The following TTC13 variants were observed in gnomAD, a reference collection of about 807,000 sequenced individuals.
TTC13 encodes tetratricopeptide repeat protein 13.
In TTC13, 62 loss-of-function variants were observed where a neutral mutation model predicts 120.0. The observed-to-expected ratio is 0.52, with a 90% CI of 0.42 to 0.64. TTC13 has a LOEUF of 0.64. Ranked by LOEUF, TTC13 falls within the 30% of genes least tolerant of loss-of-function variation. TTC13 has a pLI of 0.00. For synonymous variants in TTC13, 384 were observed against 393.5 expected, an observed-to-expected ratio of 0.98 and a Z score of 0.28; for missense variants, 824 against 1,050.2, an observed-to-expected ratio of 0.78 and a Z score of 2.98.
chr1:230,911,646 G>T, intron 19 of TTC13, 97 bp from the exon 20 acceptor site: 1 of 681,766 alleles, frequency 1.5e-6, no homozygotes, highest in Non-Finnish European at 2.3e-6. Flanking sequence ...ACATCAAGAA[G>T]AGGATTGTTT....
intron 1 of TTC13, among the ~76,000 whole-genome samples, chr1:230,973,426 T>C (rs1346831752): frequency 6.6e-6 from 1 of 152,228 alleles, no homozygotes. Context: ...AATTCTCAAA[T>C]TGGACAAACA....
At chr1:230,924,080 G>A in intron 14 of TTC13, 147 bp from the exon 15 acceptor site, 1 of 578,852 alleles carries the variant, frequency 1.7e-6, no homozygotes, top group Non-Finnish European at 3.0e-6. Flanking sequence ...ATTCCAAACA[G>A]ATGTTCCAGC....
At chr1:230,931,973 G>C in intron 9 of TTC13, 96 bp from the exon 10 acceptor site, 1 of 1,201,474 alleles carries the variant, frequency 8.3e-7, no homozygotes, top group Non-Finnish European at 1.2e-6. Flanking sequence ...ATGTAAACAA[G>C]ATACCTTGAT....
chr1:230,918,372 T>C (rs1265651530), intron 17 of TTC13, among the ~76,000 whole-genome samples: 1 of 152,174 alleles, frequency 6.6e-6, no homozygotes, highest in African/African-American at 2.4e-5. Context: ...TTCACCATGA[T>C]TTTACATGCA....
At chr1:230,957,412 G>A (rs1164428195) in intron 3 of TTC13, among the ~76,000 whole-genome samples, 1 of 152,186 alleles carries the variant, frequency 6.6e-6, no homozygotes, top group Non-Finnish European at 1.5e-5. Context: ...ACTCCAGCCT[G>A]GGCCACAGAG....
At chr1:230,912,229 C>G (rs561855765) in intron 19 of TTC13, among the ~76,000 whole-genome samples, 1 of 152,180 alleles carries the variant, frequency 6.6e-6, no homozygotes, top group South Asian at 2.1e-4. Flanking sequence ...ACTTTCCTTG[C>G]CATTAACTCA....
intron 12 of TTC13, among the ~76,000 whole-genome samples, chr1:230,927,504 T>C (rs1673147018): frequency 6.6e-6 from 1 of 152,238 alleles, no homozygotes; most frequent in Non-Finnish European, 1.5e-5. Context: ...TTCCCTGTGG[T>C]AAAATTACTT....
At position 230,923,829 on chromosome 1, in the gene TTC13, A is replaced by G. The variant is rs746993584; in HGVS notation, c.1814+12T>C. On this transcript the variant is annotated intron_variant, in intron 15 of 22. Transcript: ENST00000366661. The stretch of plus-strand genomic sequence containing the variant: ...CCTAGGAAAAGAAGAAAGATGCACA[A>G]AAGGTTCGTACCTGATTAAATTAAT... The G allele has an allele frequency of 2.5e-6, 4 of 1,607,374 alleles. No homozygotes were observed. In the South Asian group the frequency reaches 4.4e-5, roughly 18 times the overall value.
rs1297540687 is a variant in TTC13, at chr1:230,929,065, A to C, written c.1329T>G (p.Leu443=). The change falls in exon 12 of 23, where the codon CTT becomes CTG. Residue 443 remains leucine, a synonymous_variant. Coordinates refer to ENST00000366661, the MANE Select transcript of TTC13 (RefSeq NM_024525.5). The part of the protein sequence containing the change: ...REYSRYLHAH[L]DTPLTEYNID... ...TGTTATATTCCGTAAGGGGGGTATC[A>C]AGGTGTGCATGAAGATATCGAGAAT... 1.2e-6 allele frequency: 2 copies of C among 1,614,052 alleles called. No homozygotes were observed. The highest frequency in any genetic ancestry group is 1.7e-6 in the Non-Finnish European group (2 of 1,180,022).
At position 230,920,582 on chromosome 1, in the gene TTC13, A is replaced by C. The variant is rs1485291862; in HGVS notation, c.1911T>G (p.Pro637=). ...CTTCCCGAACTTCCAGCAATCCTTT[A>C]GGATTATTAGCTCTTAAAGAGAGAC... is the stretch of plus-strand genomic sequence containing the variant. ...RILVYHGANN[P]KGLLEVREAL... The change falls in exon 17 of 23, where the codon CCT becomes CCG. Residue 637 remains proline, a synonymous_variant. Transcript: ENST00000366661. 2 of 1,584,906 alleles carry C rather than the reference A, an allele frequency of 1.3e-6. No individual in the cohort carries two copies. The highest frequency in any genetic ancestry group is 8.6e-7 in the Non-Finnish European group (1 of 1,168,712).
At chr1:230,914,732 A>T (rs1671853193) in intron 18 of TTC13, among the ~76,000 whole-genome samples, 2 of 152,132 alleles carry the variant, frequency 1.3e-5, no homozygotes, top group East Asian at 3.8e-4. Context: ...AGCCTACTTT[A>T]CTGTAAGAAT....
rs370012147 is a variant in TTC13, at chr1:230,925,657, A to T, written c.1458-10T>A. The stretch of plus-strand genomic sequence containing the variant: ...CTGATGTAACACATCTCTGGAAGAA[A>T]CATCATGTACATGATAAGGACTTTT... On this transcript the variant is annotated splice_polypyrimidine_tract_variant and intron_variant, in intron 12 of 22. Transcript: ENST00000366661. The T allele has an allele frequency of 3.9e-5, 63 of 1,613,590 alleles. No individual in the cohort carries two copies. The African/African-American group carries it at 6.7e-4, about 17-fold the overall frequency.
intron 8 of TTC13, among the ~76,000 whole-genome samples, chr1:230,935,951 A>T (rs896346791): frequency 6.6e-6 from 1 of 152,138 alleles, no homozygotes; most frequent in Non-Finnish European, 1.5e-5. Context: ...GAGATGAGGG[A>T]GAAGAAAGGG....
intron 1 of TTC13, among the ~76,000 whole-genome samples, chr1:230,973,098 G>A (rs1430003645): frequency 2.0e-5 from 3 of 152,218 alleles, no homozygotes; most frequent in African/African-American, 7.2e-5. Flanking sequence ...AGGGCCAGGA[G>A]ATGAAAGGAT....
intron 13 of TTC13, 69 bp from the exon 14 acceptor site, chr1:230,925,042 G>C: frequency 6.3e-7 from 1 of 1,581,850 alleles, no homozygotes; most frequent in African/African-American, 1.3e-5. Context: ...ACTTTACAGA[G>C]TCTCAGTGAT....
chr1:230,909,204 T>G (rs964981857), intron 20 of TTC13, among the ~76,000 whole-genome samples, 184 bp from the exon 21 acceptor site: 1 of 152,254 alleles, frequency 6.6e-6, no homozygotes, highest in Non-Finnish European at 1.5e-5. Flanking sequence ...ACTAATTTAC[T>G]ATTAGAATAT....
intron 8 of TTC13, chr1:230,936,259 C>T: frequency 2.2e-6 from 1 of 456,200 alleles, no homozygotes; most frequent in Non-Finnish European, 4.4e-6. Context: ...AGCTCTCTAC[C>T]TCATTCTGCC....
At chr1:230,970,879 C>T (rs1677664676) in intron 1 of TTC13, among the ~76,000 whole-genome samples, 1 of 152,160 alleles carries the variant, frequency 6.6e-6, no homozygotes, top group South Asian at 2.1e-4. Context: ...GGATGAGCTA[C>T]AACTTAAAAG....
At chr1:230,911,750 T>C (rs1053617018) in intron 19 of TTC13, among the ~76,000 whole-genome samples, 1 of 152,210 alleles carries the variant, frequency 6.6e-6, no homozygotes, top group Admixed American at 6.5e-5. Flanking sequence ...TTTAGAGCAA[T>C]GTTTTCCCAG....
Sources: allele counts gnomAD v4.1 joint callset (sites outside exome capture counted in the v4.1 genomes callset), GRCh38; gene constraint gnomAD v4.1.1; transcripts MANE v1.5; gene names NCBI Gene and HGNC (gene_info 2026-07-23, HGNC 2026-07-21).